The following CLHC1 variants were observed in gnomAD, a reference collection of about 807,000 sequenced individuals.
CLHC1 encodes clathrin heavy chain linker domain-containing protein 1.
In CLHC1, 72 loss-of-function variants were observed where a neutral mutation model predicts 69.5. The ratio of observed to expected loss-of-function variants is 1.04; its 90% confidence interval spans 0.86 to 1.26. The LOEUF (loss-of-function observed/expected upper bound fraction) is 1.26, where lower values mean the gene tolerates loss of function less well. CLHC1 is among the 50% of genes most tolerant of loss of function. The pLI is 0.00. For missense variants in CLHC1, 790 were observed against 679.3 expected, an observed-to-expected ratio of 1.16 and a Z score of -1.81; for synonymous variants, 223 against 224.3, an observed-to-expected ratio of 0.99 and a Z score of 0.05.
intron 9 of CLHC1, among the ~76,000 whole-genome samples, chr2:55,201,842 A>C (rs1671973210): frequency 6.6e-6 from 1 of 152,224 alleles, no homozygotes; most frequent in Non-Finnish European, 1.5e-5. Context: ...CTAGGGATGT[A>C]AGGATGGTTC....
At chr2:55,201,072 C>T (rs552960211) in intron 9 of CLHC1, among the ~76,000 whole-genome samples, 89 of 151,600 alleles carry the variant, frequency 5.9e-4, no homozygotes, top group African/African-American at 1.8e-3. Context: ...GTGCTTACAT[C>T]AAAAAAGAAG....
Position 55,206,306 on chromosome 2 carries a change from T to A in CLHC1, c.970A>T (p.Ile324Phe). 1 of 1,610,852 alleles carries A rather than the reference T, an allele frequency of 6.2e-7. No individual in the cohort carries two copies. Among genetic ancestry groups the A allele is most frequent in the Non-Finnish European group, 8.5e-7 (1 of 1,177,416 alleles). The change falls in exon 9 of 13, where the codon ATT becomes TTT. Residue 324 changes from isoleucine to phenylalanine, a missense_variant. By Grantham distance (21) the Ile-to-Phe change is conservative. Coordinates refer to ENST00000401408, the MANE Select transcript of CLHC1 (RefSeq NM_152385.4). Reference protein sequence around the residue: ...ACYAANSPRRILRNIGTMNTF... With the variant: ...ACYAANSPRRFLRNIGTMNTF... ...TTCATTGTACCAATGTTTCGAAGAA[T>A]TCTTCTAGGACTGTTTGCTGCATAA...
chr2:55,189,475 C>T (rs1670718947), intron 9 of CLHC1, among the ~76,000 whole-genome samples: 1 of 152,092 alleles, frequency 6.6e-6, no homozygotes, highest in South Asian at 2.1e-4. Flanking sequence ...GATAGTGATC[C>T]TTGAAAGATG....
At chr2:55,219,588 T>A (rs1218507322) in intron 3 of CLHC1, among the ~76,000 whole-genome samples, 1 of 152,172 alleles carries the variant, frequency 6.6e-6, no homozygotes, top group East Asian at 1.9e-4. Context: ...ATTTATTTAT[T>A]TATTGTGGTT....
intron 9 of CLHC1, among the ~76,000 whole-genome samples, chr2:55,200,704 A>G (rs1213155532): frequency 6.6e-6 from 1 of 152,214 alleles, no homozygotes; most frequent in Non-Finnish European, 1.5e-5. Context: ...TACAGAACGT[A>G]TCACCCAACA....
rs374279439 is a variant in CLHC1 at position 55,216,543 on chromosome 2, T to C, written c.365+1268A>G. Among the ~76,000 whole-genome samples, 168 of 152,104 alleles carry C rather than the reference T, an allele frequency of 1.1e-3. 2 individuals carry two copies. The Middle Eastern group carries it at 0.017, about 15-fold the overall frequency. On this transcript the variant is annotated intron_variant, in intron 4 of 12. Transcript: ENST00000401408. ...CCTTATTTATTTTATTTTATTCCTT[T>C]TTTTTTTCTTGAGATGGCGTCTCGC...
intron 9 of CLHC1, among the ~76,000 whole-genome samples, chr2:55,190,515 G>C (rs973357203): frequency 6.6e-6 from 1 of 152,168 alleles, no homozygotes; most frequent in African/African-American, 2.4e-5. Flanking sequence ...TTACGAGGGA[G>C]AGGAAAGATG....
chr2:55,199,404 A>G (rs180783364), intron 9 of CLHC1, among the ~76,000 whole-genome samples: 149 of 152,236 alleles, frequency 9.8e-4, no homozygotes, highest in Non-Finnish European at 1.7e-3. Flanking sequence ...ACTCACTGCT[A>G]ATAGTAAGTT....
chr2:55,215,388 G>A (rs1673400483), intron 4 of CLHC1, among the ~76,000 whole-genome samples: 1 of 152,038 alleles, frequency 6.6e-6, no homozygotes, highest in South Asian at 2.1e-4. Context: ...TTCCCACTCT[G>A]CCTTCCATCT....
chr2:55,225,529 A>C (rs1674605897), intron 2 of CLHC1: 1 of 152,226 alleles, frequency 6.6e-6, no homozygotes, highest in Admixed American at 6.5e-5. Flanking sequence ...GCTGGCTTAC[A>C]GCCTCTCTGT....
intron 4 of CLHC1, 34 bp downstream of exon 4, chr2:55,217,777 T>A: frequency 7.2e-7 from 1 of 1,380,400 alleles, no homozygotes; most frequent in Non-Finnish European, 9.7e-7. Flanking sequence ...AAGCAACAAC[T>A]ACCATCTTTT....
At chr2:55,185,012 T>C (rs1670296927) in intron 9 of CLHC1, among the ~76,000 whole-genome samples, 1 of 150,412 alleles carries the variant, frequency 6.6e-6, no homozygotes, top group Admixed American at 6.6e-5. Context: ...ACAATTCAAT[T>C]AGACTTTCAG....
In CLHC1 at chr2:55,213,865, G is replaced by C. The variant is rs183982665; in HGVS notation, c.366-1059C>G. On this transcript the variant is annotated intron_variant, in intron 4 of 12. Transcript: ENST00000401408. ...ATCTGAATATGACATGGGCAAGTGG[G>C]AAGTGGTAGCTAAGGAGCAGGGTGG... is the stretch of plus-strand genomic sequence containing the variant. Among the ~76,000 whole-genome samples the C allele has an allele frequency of 5.9e-5, 9 of 152,318 alleles. No homozygotes were observed. In the East Asian group the frequency reaches 1.7e-3, roughly 29 times the overall value.
chr2:55,213,787 G>A (rs892814199), intron 4 of CLHC1, among the ~76,000 whole-genome samples: 5 of 152,216 alleles, frequency 3.3e-5, no homozygotes, highest in Admixed American at 1.3e-4. Context: ...TTTTTCAAGA[G>A]GGGCCATGCC....
chr2:55,187,684 G>C (rs1398941312), intron 9 of CLHC1, among the ~76,000 whole-genome samples: 2 of 152,048 alleles, frequency 1.3e-5, no homozygotes, highest in African/African-American at 4.8e-5. Context: ...GTTTCAGGTA[G>C]CTTAAAAATC....
rs1669218581 is a variant in CLHC1, at chr2:55,174,575, C to A, written c.*1215G>T. ...CATACATTATCACTAATCCTCACAA[C>A]AAGCCTAAGGAAGACTGCCCATATT... On this transcript the variant is annotated 3_prime_UTR_variant, in exon 13 of 13. Transcript: ENST00000401408. 6.6e-6 allele frequency among the ~76,000 whole-genome samples: 1 copy of A among 152,170 alleles called. No homozygotes were observed. Among genetic ancestry groups the A allele is most frequent in the African/African-American group, 2.4e-5 (1 of 41,436 alleles).
chr2:55,207,328 C>T (rs531986044), intron 8 of CLHC1, among the ~76,000 whole-genome samples: 117 of 152,252 alleles, frequency 7.7e-4, no homozygotes, highest in African/African-American at 2.7e-3. Context: ...CTATGATAAA[C>T]AGAAGTTACA....
chr2:55,208,857 C>A, intron 7 of CLHC1, 147 bp from the exon 8 acceptor site: 2 of 476,112 alleles, frequency 4.2e-6, no homozygotes, highest in Non-Finnish European at 3.7e-6. Flanking sequence ...CCTCCCCGTC[C>A]CTTTCCTCTT....
At chr2:55,206,411 A>G in intron 8 of CLHC1, 35 bp from the exon 9 acceptor site, 1 of 1,187,906 alleles carries the variant, frequency 8.4e-7, no homozygotes, top group Non-Finnish European at 1.3e-6. Context: ...CATTATAATG[A>G]CACAAAGAAA....
Sources: allele counts gnomAD v4.1 joint callset (sites outside exome capture counted in the v4.1 genomes callset), GRCh38; gene constraint gnomAD v4.1.1; transcripts MANE v1.5; gene names NCBI Gene and HGNC (gene_info 2026-07-23, HGNC 2026-07-21).